Variants in CYLC1 observed in about 807,000 individuals in gnomAD.
CYLC1 encodes the protein cylicin 1.
A neutral mutation model predicts 31.6 loss-of-function variants in CYLC1; 2 were observed. That is an observed-to-expected ratio of 0.06 (90% CI 0.03 to 0.20). The LOEUF is 0.20. CYLC1 is among the 10% of genes least tolerant of loss of function. The pLI is 1.00. For synonymous variants in CYLC1, 185 were observed against 153.0 expected, an observed-to-expected ratio of 1.21 and a Z score of -1.54; for missense variants, 595 against 424.1, an observed-to-expected ratio of 1.40 and a Z score of -3.54.
intron 4 of CYLC1, among the ~76,000 whole-genome samples, chrX:83,879,663 A>T (rs2031882118): frequency 9.1e-6 from 1 of 110,310 alleles, no homozygotes. Flanking sequence ...ACACTTATCA[A>T]CAACTTACTA....
intron 4 of CYLC1, among the ~76,000 whole-genome samples, chrX:83,883,755 G>C (rs920945526): frequency 2.7e-5 from 3 of 111,480 alleles, no homozygotes; most frequent in African/African-American, 6.5e-5. Flanking sequence ...CAAGAAAGTG[G>C]GCACTCAATA....
chrX:83,875,211 T>C (rs996379527), intron 4 of CYLC1, among the ~76,000 whole-genome samples: 3 of 111,494 alleles, frequency 2.7e-5, no homozygotes, highest in African/African-American at 9.7e-5. Flanking sequence ...TCTTCTCTAA[T>C]TTATAAACCT....
At position 83,873,671 on chromosome X, in the gene CYLC1, C is replaced by T. The variant is rs1237236154; in HGVS notation, c.963C>T (p.Asp321=). 8.4e-7 allele frequency: 1 copy of T among 1,197,404 alleles called. No homozygotes were observed. Among genetic ancestry groups the T allele is most frequent in the South Asian group, 1.8e-5 (1 of 54,180 alleles). Residue 321 remains aspartate (D), a synonymous_variant, in exon 4 of 5, where the codon GAC becomes GAT. Coordinates refer to ENST00000329312, the MANE Select transcript of CYLC1 (RefSeq NM_021118.3). ...KKVKKNVKKD[D]KKKDVKKDTE... ...TTAAGAAAAATGTCAAGAAAGATGA[C>T]AAGAAAAAGGATGTAAAGAAGGACA... is the stretch of plus-strand genomic sequence containing the variant.
intron 4 of CYLC1, among the ~76,000 whole-genome samples, chrX:83,882,252 T>C (rs1046522154): frequency 9.0e-6 from 1 of 111,378 alleles, no homozygotes; most frequent in Non-Finnish European, 1.9e-5. Context: ...GATAAAGATA[T>C]AGGTTGTGTA....
chrX:83,866,423 C>A (rs2031594213), intron 1 of CYLC1, among the ~76,000 whole-genome samples: 1 of 110,974 alleles, frequency 9.0e-6, no homozygotes, highest in African/African-American at 3.3e-5. Flanking sequence ...TCAGAGTTAG[C>A]CATCATTTTT....
intron 1 of CYLC1, 74 bp from the exon 2 acceptor site, chrX:83,869,791 T>G: frequency 3.9e-6 from 2 of 515,865 alleles, no homozygotes; most frequent in Non-Finnish European, 5.3e-6. Context: ...AAGGATAGAT[T>G]ACATAAAAAA....
intron 1 of CYLC1, among the ~76,000 whole-genome samples, chrX:83,861,759 A>G (rs912359821): frequency 1.3e-4 from 14 of 111,752 alleles, no homozygotes; most frequent in African/African-American, 4.2e-4. Context: ...TTAAAAGTCA[A>G]TTTCCTCTTA....
chrX:83,862,942 A>C (rs2031536632), intron 1 of CYLC1, among the ~76,000 whole-genome samples: 1 of 111,605 alleles, frequency 9.0e-6, no homozygotes, highest in Non-Finnish European at 1.9e-5. Flanking sequence ...TTTATTCCTC[A>C]ATGCTATTTC....
chrX:83,885,191 C>T (rs1400299625), intron 4 of CYLC1, among the ~76,000 whole-genome samples: 1 of 110,105 alleles, frequency 9.1e-6, no homozygotes, highest in Non-Finnish European at 1.9e-5. Flanking sequence ...GAAGTTATTC[C>T]ACATATATTT....
intron 4 of CYLC1, among the ~76,000 whole-genome samples, chrX:83,877,467 A>G (rs925684317): frequency 9.1e-6 from 1 of 109,707 alleles, no homozygotes; most frequent in African/African-American, 3.3e-5. Flanking sequence ...GCCCCTACCC[A>G]TTTTTCACCA....
intron 3 of CYLC1, among the ~76,000 whole-genome samples, 161 bp from the exon 4 acceptor site, chrX:83,872,715 TCTTACACACA>T (rs2031684016): frequency 1.7e-5 from 1 of 57,626 alleles, no homozygotes; most frequent in Non-Finnish European, 3.5e-5. Flanking sequence ...TCTGTCTCTC[TCTTACACACA>T]CACACACACA....
chrX:83,876,774 T>C (rs2031765126), intron 4 of CYLC1, among the ~76,000 whole-genome samples: 1 of 111,322 alleles, frequency 9.0e-6, no homozygotes, highest in East Asian at 2.8e-4. Context: ...TTCTACATAC[T>C]GGTAGATTTT....
intron 4 of CYLC1, among the ~76,000 whole-genome samples, chrX:83,881,897 C>T (rs1001333448): frequency 1.8e-5 from 2 of 109,822 alleles, no homozygotes; most frequent in Admixed American, 9.8e-5. Flanking sequence ...GGGATTTCAC[C>T]GTGTTAGCCA....
At chrX:83,878,040 A>G (rs1378268114) in intron 4 of CYLC1, among the ~76,000 whole-genome samples, 10 of 65,651 alleles carry the variant, frequency 1.5e-4, no homozygotes, top group Admixed American at 3.1e-4. Context: ...TTGTATATAA[A>G]TATAAATATA....
intron 4 of CYLC1, among the ~76,000 whole-genome samples, chrX:83,878,105 AAT>A (rs1220609800): frequency 1.8e-5 from 1 of 54,373 alleles, no homozygotes; most frequent in Non-Finnish European, 3.0e-5. Context: ...TATAAATATA[AAT>A]ATATATATTT....
At position 83,873,511 on chromosome X, in the gene CYLC1, A is replaced by T; in HGVS notation, c.803A>T (p.Tyr268Phe). Residue 268 changes from tyrosine to phenylalanine, a missense_variant, in exon 4 of 5, where the codon TAC becomes TTC. Tyr to Phe is a conservative substitution (Grantham distance 22). Coordinates refer to ENST00000329312, the MANE Select transcript of CYLC1 (RefSeq NM_021118.3). ...AATTTTGATGCATGGTTAAGGAATT[A>T]CTCACAGAATAATTCAAAGAATTAT... is the stretch of plus-strand genomic sequence containing the variant. ...SINFDAWLRN[Y>F]SQNNSKNYSL... 8.4e-7 allele frequency: 1 copy of T among 1,195,194 alleles called. No homozygotes were observed. The highest frequency in any genetic ancestry group is 3.0e-5 in the East Asian group (1 of 33,664).
Position 83,874,527 on chromosome X carries a change from C to A in CYLC1, c.1819C>A (p.Pro607Thr), listed in dbSNP as rs1295488165. 12 of 1,210,072 alleles carry A rather than the reference C, an allele frequency of 9.9e-6. No individual in the cohort carries two copies. Among genetic ancestry groups the A allele is most frequent in the Non-Finnish European group, 1.2e-5 (11 of 894,712 alleles). ...TAGAGTTCCTCCATCAAGAGAAAAA[C>A]CACCACTCCCTGCTTGTGAGCCTTC... ...TGRVPPSREK[P>T]PLPACEPSLP... The change falls in exon 4 of 5, where the codon CCA becomes ACA. Residue 607 changes from proline (P) to threonine (T), a missense_variant. By Grantham distance (38) the Pro-to-Thr change is conservative. Transcript: ENST00000329312.
At chrX:83,862,808 T>C (rs2031534918) in intron 1 of CYLC1, among the ~76,000 whole-genome samples, 1 of 111,773 alleles carries the variant, frequency 8.9e-6, no homozygotes, top group African/African-American at 3.3e-5. Context: ...TCTGTCCTCT[T>C]GCTGTATCTG....
At chrX:83,865,027 G>A (rs973570776) in intron 1 of CYLC1, among the ~76,000 whole-genome samples, 1 of 110,813 alleles carries the variant, frequency 9.0e-6, no homozygotes, top group African/African-American at 3.3e-5. Flanking sequence ...TCTAAATGCT[G>A]ATGAATTCTA....
Sources: gnomAD v4.1 joint callset for allele counts (sites outside exome capture counted in the v4.1 genomes callset) on GRCh38, gnomAD v4.1.1 for gene constraint, MANE v1.5 for transcripts, NCBI Gene and HGNC (gene_info 2026-07-23, HGNC 2026-07-21) for gene names.